CACNA1A: variants seen among roughly 807,000 people sequenced by gnomAD.
CACNA1A encodes calcium voltage-gated channel subunit alpha1 A, also known as voltage-dependent P/Q-type calcium channel subunit alpha-1A.
In CACNA1A, 57 loss-of-function variants were observed where a neutral mutation model predicts 262.4. The observed-to-expected ratio is 0.22, with a 90% CI of 0.18 to 0.27. The LOEUF (loss-of-function observed/expected upper bound fraction) is 0.27, where lower values mean the gene tolerates loss of function less well. Ranked by LOEUF, CACNA1A falls within the 10% of genes least tolerant of loss-of-function variation. The pLI, the probability that CACNA1A is intolerant of heterozygous loss-of-function variation, is 1.00. For synonymous variants in CACNA1A, 1,431 were observed against 1,419.3 expected, an observed-to-expected ratio of 1.01 and a Z score of -0.18; for missense variants, 2,526 against 3,562.8, an observed-to-expected ratio of 0.71 and a Z score of 7.41.
intron 19 of CACNA1A, among the ~76,000 whole-genome samples, chr19:13,291,984 C>T (rs1277925273): frequency 6.6e-6 from 1 of 152,076 alleles, no homozygotes; most frequent in Non-Finnish European, 1.5e-5. Flanking sequence ...AATTAGGATG[C>T]GAACAGCAGA....
intron 1 of CACNA1A, among the ~76,000 whole-genome samples, chr19:13,476,584 G>A (rs1263521788): frequency 2.0e-5 from 3 of 152,152 alleles, no homozygotes; most frequent in African/African-American, 7.2e-5. Context: ...CTACTAATGG[G>A]TGCAGGGTTT....
chr19:13,393,704 T>C (rs2059755888), intron 3 of CACNA1A, among the ~76,000 whole-genome samples: 1 of 131,498 alleles, frequency 7.6e-6, no homozygotes, highest in East Asian at 2.7e-4. Context: ...TCTTTACCTT[T>C]CTCTCTCTCT....
chr19:13,234,171 A>C (rs902407136), intron 34 of CACNA1A, among the ~76,000 whole-genome samples: 1 of 151,704 alleles, frequency 6.6e-6, no homozygotes, highest in African/African-American at 2.4e-5. Flanking sequence ...AACATGGTGA[A>C]ACCCCGACTC....
At chr19:13,430,219 T>TATATATATATATA (rs549050308) in intron 3 of CACNA1A, among the ~76,000 whole-genome samples, 5 of 149,794 alleles carry the variant, frequency 3.3e-5, no homozygotes, top group African/African-American at 9.9e-5. Flanking sequence ...ATATATATAT[T>TATATATATATATA]TTTTGAGACA....
intron 36 of CACNA1A, 50 bp from the exon 37 acceptor site, chr19:13,227,577 A>C: frequency 2.6e-5 from 27 of 1,058,722 alleles, no homozygotes; most frequent in African/African-American, 3.2e-5. Context: ...AAAAAACAAA[A>C]CGGGAATGGG....
At chr19:13,247,233 CCTT>C (rs949806220) in intron 30 of CACNA1A, among the ~76,000 whole-genome samples, 15 of 152,260 alleles carry the variant, frequency 9.9e-5, no homozygotes, top group African/African-American at 3.6e-4. Flanking sequence ...AGGAGCCTGA[CCTT>C]AGAGCTGTGC....
At chr19:13,289,749 C>T (rs924473067) in intron 19 of CACNA1A, among the ~76,000 whole-genome samples, 2 of 152,114 alleles carry the variant, frequency 1.3e-5, no homozygotes, top group African/African-American at 2.4e-5. Flanking sequence ...TGGGATTTGT[C>T]TTGCTGGATT....
chr19:13,218,131 C>G (rs528191572), intron 38 of CACNA1A, among the ~76,000 whole-genome samples: 1 of 152,074 alleles, frequency 6.6e-6, no homozygotes, highest in South Asian at 2.1e-4. Context: ...TGCTCTATTG[C>G]CCAGGCTGGA....
chr19:13,276,697 C>A (rs866554200), intron 23 of CACNA1A, among the ~76,000 whole-genome samples: 2 of 125,430 alleles, frequency 1.6e-5, no homozygotes, highest in African/African-American at 5.9e-5. Context: ...AATCCCAGCT[C>A]TTTTTTTTTT....
intron 3 of CACNA1A, among the ~76,000 whole-genome samples, chr19:13,400,465 A>C (rs1210547998): frequency 6.6e-6 from 1 of 152,148 alleles, no homozygotes; most frequent in Non-Finnish European, 1.5e-5. Context: ...TCCAGATCCC[A>C]TCTGCTAATG....
At chr19:13,486,639 G>A (rs1980031717) in intron 1 of CACNA1A, among the ~76,000 whole-genome samples, 1 of 152,076 alleles carries the variant, frequency 6.6e-6, no homozygotes, top group African/African-American at 2.4e-5. Context: ...AGATGGTCAA[G>A]GATAACAGGA....
intron 3 of CACNA1A, among the ~76,000 whole-genome samples, chr19:13,435,096 T>A (rs1185205161): frequency 6.7e-6 from 1 of 148,338 alleles, no homozygotes; most frequent in Non-Finnish European, 1.5e-5. Context: ...AGCCAGGCAT[T>A]TTTTTTTTTA....
chr19:13,266,857 G>A (rs1024234601), intron 24 of CACNA1A, among the ~76,000 whole-genome samples: 1 of 152,194 alleles, frequency 6.6e-6, no homozygotes, highest in African/African-American at 2.4e-5. Context: ...TTAGAGGCGT[G>A]AGCCACCGTG....
intron 4 of CACNA1A, chr19:13,371,004 AC>A (rs1321525248): frequency 6.6e-6 from 1 of 152,068 alleles, no homozygotes; most frequent in African/African-American, 2.4e-5. Flanking sequence ...TATGGCAGCC[AC>A]CCTTAAACGG....
At position 13,474,645 on chromosome 19, in the gene CACNA1A, C is replaced by T. The variant is rs923818292; in HGVS notation, c.294-19433G>A. On this transcript the variant is annotated intron_variant, in intron 1 of 46. Coordinates refer to ENST00000360228, the MANE Select transcript of CACNA1A (RefSeq NM_001127222.2). Reference sequence around the variant, plus strand: ...CAGCCTGGCCAATATGGTGAAACCCCGTCTCTACTAAAAATACAAAAATTA... The same window carrying T: ...CAGCCTGGCCAATATGGTGAAACCCTGTCTCTACTAAAAATACAAAAATTA... 9.3e-4 allele frequency among the ~76,000 whole-genome samples: 142 copies of T among 152,192 alleles called. 2 individuals carry two copies. Among genetic ancestry groups the T allele is most frequent in the African/African-American group, 3.2e-3 (133 of 41,536 alleles).
chr19:13,269,894 G>A (rs888431096), intron 24 of CACNA1A, among the ~76,000 whole-genome samples: 4 of 152,140 alleles, frequency 2.6e-5, no homozygotes, highest in African/African-American at 9.7e-5. Flanking sequence ...TCGGAGACGA[G>A]GCCACAATCA....
intron 1 of CACNA1A, among the ~76,000 whole-genome samples, chr19:13,494,292 T>A (rs1568705889): frequency 2.0e-5 from 3 of 152,252 alleles, no homozygotes; most frequent in Admixed American, 6.5e-5. Context: ...ATATTCTTTT[T>A]TGTACATGAG....
chr19:13,376,541 AT>A lies in CACNA1A; in HGVS notation c.540-4763del, dbSNP rs2059406458. 6.7e-5 allele frequency among the ~76,000 whole-genome samples: 10 copies of A among 149,806 alleles called. No individual in the cohort carries two copies. The South Asian group carries it at 8.4e-4, about 13-fold the overall frequency. ...ACTGTTGAGATCTACTCAGAAAAAA[AT>A]ATATATATAATATATAACACATAAT... is the stretch of plus-strand genomic sequence containing the variant. On this transcript the variant is annotated intron_variant, in intron 3 of 46. Transcript: ENST00000360228.
chr19:13,255,364 T>G, intron 28 of CACNA1A, 105 bp from the exon 29 acceptor site: 2 of 1,050,510 alleles, frequency 1.9e-6, no homozygotes, highest in Non-Finnish European at 2.7e-6. Flanking sequence ...TGCTTCTGCT[T>G]GAGTCTCTGC....
Sources: allele counts gnomAD v4.1 joint callset (sites outside exome capture counted in the v4.1 genomes callset), GRCh38; gene constraint gnomAD v4.1.1; transcripts MANE v1.5; gene names NCBI Gene and HGNC (gene_info 2026-07-23, HGNC 2026-07-21).